Variants in SGCZ observed in about 807,000 individuals in gnomAD.
SGCZ encodes the protein zeta-sarcoglycan.
SGCZ carries 40 observed loss-of-function variants against 41.3 expected under a neutral mutation model. That is an observed-to-expected ratio of 0.97 (90% confidence interval 0.75 to 1.26). The LOEUF (loss-of-function observed/expected upper bound fraction) is 1.26, where lower values mean the gene tolerates loss of function less well. Among genes scored for constraint, SGCZ ranks in the 50% most tolerant of loss-of-function variants. The probability of loss-of-function intolerance (pLI) is 0.00; values close to 1 mark genes in which losing one functional copy is unlikely to be tolerated. For synonymous variants in SGCZ, 206 were observed against 137.5 expected, an observed-to-expected ratio of 1.50 and a Z score of -3.49; for missense variants, 552 against 369.8, an observed-to-expected ratio of 1.49 and a Z score of -4.04.
At chr8:14,221,366 T>C (rs966765931) in intron 4 of SGCZ, among the ~76,000 whole-genome samples, 7 of 152,234 alleles carry the variant, frequency 4.6e-5, no homozygotes. Flanking sequence ...TAATTATTGG[T>C]TGACACCTAT....
chr8:14,169,188 G>A (rs1332102347), intron 4 of SGCZ, among the ~76,000 whole-genome samples: 1 of 152,014 alleles, frequency 6.6e-6, no homozygotes, highest in Admixed American at 6.6e-5. Flanking sequence ...ATTAATATTT[G>A]GGGGAACTTT....
At chr8:14,612,543 C>G (rs1805963315) in intron 1 of SGCZ, among the ~76,000 whole-genome samples, 2 of 152,082 alleles carry the variant, frequency 1.3e-5, no homozygotes, top group African/African-American at 2.4e-5. Context: ...GGAATTATAG[C>G]CACAAAGCTT....
At chr8:14,533,827 G>A (rs536525654) in intron 2 of SGCZ, among the ~76,000 whole-genome samples, 19 of 152,130 alleles carry the variant, frequency 1.2e-4, no homozygotes, top group African/African-American at 4.3e-4. Context: ...AGTTTTGGAA[G>A]AATTTCTGGG....
chr8:14,940,898 C>G (rs1800253937), intron 1 of SGCZ, among the ~76,000 whole-genome samples: 1 of 151,890 alleles, frequency 6.6e-6, no homozygotes, highest in South Asian at 2.1e-4. Flanking sequence ...ATAAAGGGCT[C>G]CTACAGATTA....
intron 4 of SGCZ, among the ~76,000 whole-genome samples, chr8:14,192,221 T>C (rs930748121): frequency 6.6e-6 from 1 of 152,038 alleles, no homozygotes; most frequent in East Asian, 1.9e-4. Flanking sequence ...TCTTTTTATT[T>C]AGCAATTATT....
intron 2 of SGCZ, among the ~76,000 whole-genome samples, chr8:14,535,119 C>A (rs1803254999): frequency 6.6e-6 from 1 of 151,870 alleles, no homozygotes; most frequent in African/African-American, 2.4e-5. Flanking sequence ...TTTGATTCAA[C>A]TAAAGCAGTG....
chr8:14,124,502 CT>C (rs1379361211), intron 5 of SGCZ, among the ~76,000 whole-genome samples: 1 of 152,132 alleles, frequency 6.6e-6, no homozygotes, highest in African/African-American at 2.4e-5. Flanking sequence ...TGACTTAAAA[CT>C]AAAATAGTGC....
At chr8:15,060,225 T>C (rs536964801) in intron 1 of SGCZ, among the ~76,000 whole-genome samples, 5 of 152,106 alleles carry the variant, frequency 3.3e-5, no homozygotes, top group Non-Finnish European at 7.3e-5. Flanking sequence ...CACACATATG[T>C]TTATTGCAGC....
intron 1 of SGCZ, among the ~76,000 whole-genome samples, chr8:14,726,307 A>C (rs1490050873): frequency 4.0e-5 from 3 of 75,850 alleles, no homozygotes; most frequent in Non-Finnish European, 9.7e-5. Flanking sequence ...TATATGTGTA[A>C]ATACATATAT....
chr8:14,102,756 G>A (rs1456133421), intron 6 of SGCZ, among the ~76,000 whole-genome samples: 1 of 152,030 alleles, frequency 6.6e-6, no homozygotes, highest in East Asian at 1.9e-4. Flanking sequence ...TCACTTTCAT[G>A]ACAATTTGCT....
At chr8:14,215,383 C>G (rs1399004846) in intron 4 of SGCZ, among the ~76,000 whole-genome samples, 1 of 151,740 alleles carries the variant, frequency 6.6e-6, no homozygotes, top group Non-Finnish European at 1.5e-5. Context: ...TGATAACAGA[C>G]AAACTTACAG....
intron 1 of SGCZ, among the ~76,000 whole-genome samples, chr8:14,751,343 A>G (rs940884032): frequency 6.6e-6 from 1 of 152,174 alleles, no homozygotes; most frequent in Non-Finnish European, 1.5e-5. Flanking sequence ...GGTAGGATCC[A>G]TTAGGGGAAA....
chr8:14,846,379 A>T (rs538073661), intron 1 of SGCZ, among the ~76,000 whole-genome samples: 24 of 152,074 alleles, frequency 1.6e-4, no homozygotes, highest in African/African-American at 5.1e-4. Flanking sequence ...ATATACAATT[A>T]AAAAAAATCA....
chr8:14,358,217 C>A lies in SGCZ; in HGVS notation c.235-34013G>T, dbSNP rs1481050917. ...CAAGGAGTGGGCTAAATGACTAGATCTATAAACTATAAATATATTATCGCA... is the reference window on the plus strand; with the variant it reads ...CAAGGAGTGGGCTAAATGACTAGATATATAAACTATAAATATATTATCGCA... On this transcript the variant is annotated intron_variant, in intron 2 of 7. Transcript: ENST00000382080. Among the ~76,000 whole-genome samples the A allele has an allele frequency of 2.6e-5, 4 of 152,124 alleles. No homozygotes were observed. In the East Asian group the frequency reaches 7.7e-4, roughly 29 times the overall value.
chr8:14,926,642 TGG>T (rs1799760352), intron 1 of SGCZ, among the ~76,000 whole-genome samples: 1 of 145,498 alleles, frequency 6.9e-6, no homozygotes, highest in African/African-American at 2.6e-5. Context: ...TCCGTGTGTG[TGG>T]TTTTTTTTTG....
intron 2 of SGCZ, among the ~76,000 whole-genome samples, chr8:14,350,779 C>G (rs1435374647): frequency 6.6e-6 from 1 of 152,140 alleles, no homozygotes; most frequent in East Asian, 1.9e-4. Context: ...ACAGAAAACT[C>G]TCTCTCAGTA....
At chr8:14,694,734 C>T (rs1449928357) in intron 1 of SGCZ, among the ~76,000 whole-genome samples, 3 of 152,112 alleles carry the variant, frequency 2.0e-5, no homozygotes, top group Non-Finnish European at 4.4e-5. Flanking sequence ...ATTATGGTTA[C>T]TTAAAAGAAA....
chr8:14,930,162 C>G (rs1341116488), intron 1 of SGCZ, among the ~76,000 whole-genome samples: 1 of 151,872 alleles, frequency 6.6e-6, no homozygotes, highest in Non-Finnish European at 1.5e-5. Flanking sequence ...ACAACCCCAT[C>G]AAAAAGTGGG....
chr8:15,120,427 T>C (rs924837834), intron 1 of SGCZ, among the ~76,000 whole-genome samples: 1 of 152,176 alleles, frequency 6.6e-6, no homozygotes, highest in Admixed American at 6.5e-5. Flanking sequence ...TCGTCACTAT[T>C]TCAACTAGAT....
Sources: allele counts gnomAD v4.1 joint callset (sites outside exome capture counted in the v4.1 genomes callset), GRCh38; gene constraint gnomAD v4.1.1; transcripts MANE v1.5; gene names NCBI Gene and HGNC (gene_info 2026-07-23, HGNC 2026-07-21).